Variants in EXOC6B observed in about 807,000 individuals in gnomAD.
EXOC6B encodes the protein exocyst complex component 6B.
A neutral mutation model predicts 113.5 loss-of-function variants in EXOC6B; 54 were observed. That is an observed-to-expected ratio of 0.48 (90% confidence interval 0.38 to 0.60). The LOEUF is 0.60. EXOC6B is among the 20% of genes least tolerant of loss of function. The probability of loss-of-function intolerance (pLI) is 0.00; values close to 1 mark genes in which losing one functional copy is unlikely to be tolerated. For missense variants in EXOC6B, 797 were observed against 977.5 expected (o/e 0.82, Z 2.46); for synonymous variants, 357 against 339.0 (o/e 1.05, Z -0.58).
At chr2:72,202,109 C>T (rs912505335) in intron 20 of EXOC6B, among the ~76,000 whole-genome samples, 9 of 152,096 alleles carry the variant, frequency 5.9e-5, no homozygotes, top group Non-Finnish European at 1.0e-4. Context: ...AGCCTTGATC[C>T]AACATTAGAT....
Position 72,665,794 on chromosome 2 carries a change from C to G in EXOC6B, c.669+52309G>C, listed in dbSNP as rs1573583741. 2.6e-5 allele frequency among the ~76,000 whole-genome samples: 4 copies of G among 152,162 alleles called. No individual in the cohort carries two copies. The South Asian group carries it at 8.3e-4, about 32-fold the overall frequency. ...CTATAAAGGAACTACGCAATCAAAT[C>G]TATGAAACAACCAGCTAATAACACA... On this transcript the variant is annotated intron_variant, in intron 6 of 21. Coordinates refer to ENST00000272427, the MANE Select transcript of EXOC6B (RefSeq NM_015189.3).
intron 20 of EXOC6B, among the ~76,000 whole-genome samples, chr2:72,274,566 G>C (rs955439067): frequency 3.3e-5 from 5 of 152,098 alleles, no homozygotes; most frequent in African/African-American, 1.2e-4. Flanking sequence ...CTGCTATTAA[G>C]GGAGGAGTTT....
At position 72,802,326 on chromosome 2, in the gene EXOC6B, A is replaced by G. The variant is rs1236705076; in HGVS notation, c.113+23472T>C. Among the ~76,000 whole-genome samples, 3 of 147,040 alleles carry G rather than the reference A, an allele frequency of 2.0e-5. 1 individual carries two copies. Among genetic ancestry groups the G allele is most frequent in the Non-Finnish European group, 4.5e-5 (3 of 66,258 alleles). On this transcript the variant is annotated intron_variant, in intron 1 of 21. Coordinates refer to ENST00000272427, the MANE Select transcript of EXOC6B (RefSeq NM_015189.3). ...GGCAACAGGGCAAGACTCTGTCTCAAAAAAAAAAAAAAAAGTGTCTGCTAA... is the reference window on the plus strand; with the variant it reads ...GGCAACAGGGCAAGACTCTGTCTCAGAAAAAAAAAAAAAAGTGTCTGCTAA...
intron 1 of EXOC6B, among the ~76,000 whole-genome samples, chr2:72,788,754 G>T (rs759279391): frequency 6.6e-6 from 1 of 152,124 alleles, no homozygotes; most frequent in African/African-American, 2.4e-5. Context: ...TGCGGTAATC[G>T]CACCACTGCA....
intron 18 of EXOC6B, among the ~76,000 whole-genome samples, chr2:72,424,138 G>C (rs1431974829): frequency 1.3e-5 from 2 of 152,042 alleles, no homozygotes; most frequent in South Asian, 2.1e-4. Context: ...TCTATGATTG[G>C]GGGACAGTTT....
chr2:72,272,079 A>G (rs1435582251), intron 20 of EXOC6B, among the ~76,000 whole-genome samples: 1 of 152,126 alleles, frequency 6.6e-6, no homozygotes, highest in African/African-American at 2.4e-5. Context: ...AGGAGAATGG[A>G]TGTGAGTCTG....
chr2:72,369,159 C>T (rs1454332719), intron 19 of EXOC6B, among the ~76,000 whole-genome samples: 1 of 152,208 alleles, frequency 6.6e-6, no homozygotes, highest in Non-Finnish European at 1.5e-5. Flanking sequence ...TAAGCAACTT[C>T]AGCAAAGTCT....
At chr2:72,753,508 T>C (rs1371438351) in intron 1 of EXOC6B, among the ~76,000 whole-genome samples, 1 of 152,122 alleles carries the variant, frequency 6.6e-6, no homozygotes, top group African/African-American at 2.4e-5. Context: ...CCTTATCATC[T>C]CTCTTCTGAA....
At chr2:72,775,025 G>A (rs1036903790) in intron 1 of EXOC6B, among the ~76,000 whole-genome samples, 7 of 152,142 alleles carry the variant, frequency 4.6e-5, no homozygotes, top group Non-Finnish European at 8.8e-5. Flanking sequence ...TGGAAGAGGT[G>A]CATAGGGAGA....
chr2:72,419,999 T>C (rs1401971125), intron 18 of EXOC6B, among the ~76,000 whole-genome samples: 4 of 152,170 alleles, frequency 2.6e-5, no homozygotes, highest in East Asian at 1.9e-4. Flanking sequence ...CTTTTGGCTT[T>C]ATGCTCTGCA....
intron 18 of EXOC6B, among the ~76,000 whole-genome samples, chr2:72,436,378 G>A (rs1056413596): frequency 7.2e-5 from 11 of 151,902 alleles, no homozygotes; most frequent in African/African-American, 1.2e-4. Context: ...TATGTGTCTC[G>A]GGGTTACTCT....
intron 20 of EXOC6B, among the ~76,000 whole-genome samples, chr2:72,264,115 T>C (rs1189406428): frequency 2.0e-5 from 3 of 152,198 alleles, no homozygotes; most frequent in Non-Finnish European, 2.9e-5. Flanking sequence ...TCATATACTG[T>C]ATGCTCAACT....
intron 20 of EXOC6B, among the ~76,000 whole-genome samples, chr2:72,276,567 A>C (rs1289309546): frequency 1.3e-5 from 2 of 152,148 alleles, no homozygotes; most frequent in Non-Finnish European, 2.9e-5. Context: ...TTAAAATCTC[A>C]AACTAGTGGC....
At chr2:72,697,706 T>C (rs1040240187) in intron 6 of EXOC6B, among the ~76,000 whole-genome samples, 2 of 152,154 alleles carry the variant, frequency 1.3e-5, no homozygotes, top group African/African-American at 2.4e-5. Flanking sequence ...TTCCAAAAAT[T>C]AGAAATTCCT....
intron 19 of EXOC6B, 115 bp downstream of exon 19, chr2:72,379,614 G>T: frequency 2.1e-6 from 2 of 956,024 alleles, no homozygotes; most frequent in Non-Finnish European, 3.0e-6. Context: ...CTGTTATCTA[G>T]GTATTCTTTG....
intron 9 of EXOC6B, 101 bp downstream of exon 9, chr2:72,514,940 AAC>A (rs1701136956): frequency 1.4e-3 from 1,439 of 995,172 alleles, no homozygotes; most frequent in Non-Finnish European, 1.7e-3. Flanking sequence ...AATGACAGTA[AAC>A]ACACACACAC....
chr2:72,816,122 G>A (rs748301686), intron 1 of EXOC6B, among the ~76,000 whole-genome samples: 10 of 152,180 alleles, frequency 6.6e-5, no homozygotes, highest in Non-Finnish European at 1.5e-5. Flanking sequence ...TTGCGCCACT[G>A]CATTCCACTC....
At chr2:72,243,339 A>G (rs564162656) in intron 20 of EXOC6B, among the ~76,000 whole-genome samples, 1 of 152,346 alleles carries the variant, frequency 6.6e-6, no homozygotes, top group Non-Finnish European at 1.5e-5. Context: ...ACTTGGAACC[A>G]ACCCAAATAT....
intron 6 of EXOC6B, among the ~76,000 whole-genome samples, chr2:72,607,781 A>C (rs958111377): frequency 6.6e-6 from 1 of 152,148 alleles, no homozygotes; most frequent in Admixed American, 6.6e-5. Context: ...TGGGTCAGTT[A>C]AACAGATATG....
Sources: allele counts gnomAD v4.1 joint callset (sites outside exome capture counted in the v4.1 genomes callset), GRCh38; gene constraint gnomAD v4.1.1; transcripts MANE v1.5; gene names NCBI Gene and HGNC (gene_info 2026-07-23, HGNC 2026-07-21).